MTO1: variants seen among roughly 807,000 people sequenced by gnomAD.
The protein encoded by MTO1 is 5-taurinomethyluridine-[tRNA] synthase subunit MTO1, mitochondrial.
Under a neutral mutation model 71.6 loss-of-function variants are expected in MTO1, and 46 were observed. The observed-to-expected ratio is 0.64, with a 90% CI of 0.51 to 0.82. The LOEUF is 0.82. MTO1 is among the 40% of genes least tolerant of loss of function. The probability of loss-of-function intolerance (pLI) is 0.00; values close to 1 mark genes in which losing one functional copy is unlikely to be tolerated. For synonymous variants in MTO1, 297 were observed against 312.1 expected, an observed-to-expected ratio of 0.95 and a Z score of 0.51; for missense variants, 773 against 867.5, an observed-to-expected ratio of 0.89 and a Z score of 1.37.
rs1018616129 is a variant in MTO1 at position 73,493,292 on chromosome 6, G to A, written c.1756+940G>A. Among the ~76,000 whole-genome samples, 25 of 146,018 alleles carry A rather than the reference G, an allele frequency of 1.7e-4. No homozygotes were observed. In the Admixed American group the frequency reaches 1.8e-3, roughly 10 times the overall value. Reference sequence around the variant, plus strand: ...TTACAGGCGTGAGCCACTGCACCTGGCCAAAAATAAATATTTTTTATAGGA... The same window carrying A: ...TTACAGGCGTGAGCCACTGCACCTGACCAAAAATAAATATTTTTTATAGGA... On this transcript the variant is annotated intron_variant, in intron 10 of 11. Coordinates refer to ENST00000498286, the MANE Select transcript of MTO1 (RefSeq NM_012123.4).
In MTO1 at chr6:73,508,447, A is replaced by T. The variant is rs961711277; in HGVS notation, c.*7712A>T. The stretch of plus-strand genomic sequence containing the variant: ...TAAAAAAAAACACTGGCTAAATTTA[A>T]AAGGAAACACTTCTAGAATATACTG... On this transcript the variant is annotated 3_prime_UTR_variant, in exon 12 of 12. Coordinates refer to ENST00000498286, the MANE Select transcript of MTO1 (RefSeq NM_012123.4). The T allele has an allele frequency of 2.6e-5, 4 of 152,226 alleles. No homozygotes were observed. The highest frequency in any genetic ancestry group is 4.4e-5 in the Non-Finnish European group (3 of 68,040). 9.4% of individuals were successfully genotyped at this position (152,226 alleles called of 1,614,324 possible).
At chr6:73,476,961 T>C (rs1393444066) in intron 4 of MTO1, among the ~76,000 whole-genome samples, 1 of 151,956 alleles carries the variant, frequency 6.6e-6, no homozygotes. Flanking sequence ...CTAATTTTTG[T>C]AGTTTTAGTG....
chr6:73,492,276 A>G lies in MTO1; in HGVS notation c.1680A>G (p.Ser560=), dbSNP rs1215865193. The part of the protein sequence containing the change: ...VLKYEEVDMD[S]LAKAVPEPLK... ...AGTATGAGGAAGTTGACATGGATTC[A>G]TTAGCCAAGGCTGTTCCAGAGCCCT... The change falls in exon 10 of 12, where the codon TCA becomes TCG. Residue 560 remains serine (S), a synonymous_variant. Transcript: ENST00000498286. 3.1e-6 allele frequency: 5 copies of G among 1,613,902 alleles called. No homozygotes were observed. Among genetic ancestry groups the G allele is most frequent in the African/African-American group, 1.3e-5 (1 of 74,942 alleles).
chr6:73,482,918 A>C (rs964239031), intron 9 of MTO1, among the ~76,000 whole-genome samples: 1 of 146,810 alleles, frequency 6.8e-6, no homozygotes, highest in Non-Finnish European at 1.5e-5. Flanking sequence ...CAGCCCCCCG[A>C]GTAGCTGGGA....
chr6:73,479,221 A>G (rs1445715524), intron 4 of MTO1, among the ~76,000 whole-genome samples: 1 of 151,392 alleles, frequency 6.6e-6, no homozygotes, highest in Non-Finnish European at 1.5e-5. Context: ...ATGGCCAGGC[A>G]CGGTGGCTCA....
intron 3 of MTO1, among the ~76,000 whole-genome samples, chr6:73,472,826 AAT>A (rs1771190608): frequency 1.3e-5 from 2 of 152,264 alleles, no homozygotes; most frequent in South Asian, 4.1e-4. Context: ...GCATACTCTA[AAT>A]ATATACAGTT....
In MTO1 at chr6:73,482,604, A is replaced by G. The variant is rs776033247; in HGVS notation, c.1621A>G (p.Arg541Gly). The G allele has an allele frequency of 8.7e-6, 14 of 1,602,282 alleles. No homozygotes were observed. In the South Asian group the frequency reaches 1.3e-4, roughly 15 times the overall value. Residue 541 changes from arginine to glycine, a missense_variant, in exon 9 of 12, where the codon AGA becomes GGA. Coordinates refer to ENST00000498286, the MANE Select transcript of MTO1 (RefSeq NM_012123.4). ...LIPEASISTS[R>G]SLPVRALDVL... The stretch of plus-strand genomic sequence containing the variant: ...CCCAGAGGCTTCTATAAGTACTAGT[A>G]GAAGTCTGCCTGTCAGGTATGCATT...
At position 73,479,780 on chromosome 6, in the gene MTO1, G is replaced by C; in HGVS notation, c.874G>C (p.Asp292His). The C allele has an allele frequency of 1.9e-6, 3 of 1,613,894 alleles. No individual in the cohort carries two copies. Among genetic ancestry groups the C allele is most frequent in the Non-Finnish European group, 2.5e-6 (3 of 1,179,928 alleles). ...CYLTHTNPRV[D>H]EIVLKNLHLN... ...CTTGACTCACACCAACCCTAGAGTG[G>C]ATGAGATTGTCCTTAAGAACCTTCA... The change falls in exon 5 of 12, where the codon GAT (aspartate) becomes CAT (histidine). Residue 292 changes from aspartate to histidine, a missense_variant. Transcript: ENST00000498286.
intron 9 of MTO1, among the ~76,000 whole-genome samples, chr6:73,484,211 A>C (rs1240967878): frequency 6.6e-6 from 1 of 152,224 alleles, no homozygotes; most frequent in African/African-American, 2.4e-5. Context: ...ATTCATAGAA[A>C]TGACAGCCTT....
At chr6:73,494,086 T>A (rs1013455863) in intron 10 of MTO1, among the ~76,000 whole-genome samples, 5 of 151,640 alleles carry the variant, frequency 3.3e-5, no homozygotes, top group Non-Finnish European at 5.9e-5. Flanking sequence ...TACAAAAAAA[T>A]TAGCTGAGCA....
In MTO1 at chr6:73,470,620, C is replaced by G. The variant is rs143061590; in HGVS notation, c.536-2745C>G. ...CTTAGGGCCAACAACTTAAAGGCTACAAAAAGCATATAGAGTGAAAAGATA... is the reference window on the plus strand; with the variant it reads ...CTTAGGGCCAACAACTTAAAGGCTAGAAAAAGCATATAGAGTGAAAAGATA... On this transcript the variant is annotated intron_variant, in intron 3 of 11. Transcript: ENST00000498286. Among the ~76,000 whole-genome samples the G allele has an allele frequency of 2.5e-3, 374 of 152,106 alleles. 2 individuals are homozygous for G. The highest frequency in any genetic ancestry group is 8.6e-3 in the African/African-American group (356 of 41,494).
At position 73,485,854 on chromosome 6, in the gene MTO1, C is replaced by T. The variant is rs117497175; in HGVS notation, c.1637+3234C>T. Among the ~76,000 whole-genome samples the T allele has an allele frequency of 2.4e-3, 365 of 152,268 alleles. 4 individuals carry two copies. Among genetic ancestry groups the T allele is most frequent in the Non-Finnish European group, 4.2e-3 (284 of 68,022 alleles). On this transcript the variant is annotated intron_variant, in intron 9 of 11. Transcript: ENST00000498286. ...CATACATGCCAGACTATGTAGTAAG[C>T]GCTGACCAGTTGAACCTGACTCTGA...
chr6:73,478,770 G>A (rs967379899), intron 4 of MTO1, among the ~76,000 whole-genome samples: 1 of 151,914 alleles, frequency 6.6e-6, no homozygotes, highest in Non-Finnish European at 1.5e-5. Flanking sequence ...TCAAACTCCT[G>A]ACCTCAGGTG....
intron 7 of MTO1, chr6:73,481,059 C>T: frequency 2.3e-6 from 1 of 438,996 alleles, no homozygotes; most frequent in Non-Finnish European, 4.2e-6. Flanking sequence ...TTCAAGCGAT[C>T]CTCCTGCCTC....
intron 10 of MTO1, 62 bp from the exon 11 acceptor site, chr6:73,497,674 A>G (rs565095792): frequency 2.3e-5 from 34 of 1,492,730 alleles, no homozygotes; most frequent in Non-Finnish European, 3.1e-5. Flanking sequence ...GGCTACATAA[A>G]TGTAAGTTGT....
intron 3 of MTO1, among the ~76,000 whole-genome samples, chr6:73,470,561 A>G (rs1287130902): frequency 2.0e-5 from 3 of 152,072 alleles, no homozygotes; most frequent in Non-Finnish European, 4.4e-5. Context: ...TTTTTATTAT[A>G]GATTTATTAA....
chr6:73,461,795 G>T lies in MTO1; in HGVS notation c.-60G>T, dbSNP rs576264480. On this transcript the variant is annotated 5_prime_UTR_variant, in exon 1 of 12. Coordinates refer to ENST00000498286, the MANE Select transcript of MTO1 (RefSeq NM_012123.4). ...CGCCCTGCAGATTGTCTCTTGTTGC[G>T]TAAGTTTTTTTGACCGTCACTCGTG... The T allele has an allele frequency of 4.5e-6, 7 of 1,554,510 alleles. No individual in the cohort carries two copies. Among genetic ancestry groups the T allele is most frequent in the South Asian group, 2.3e-5 (2 of 87,210 alleles).
chr6:73,501,465 C>G lies in MTO1; in HGVS notation c.*730C>G, dbSNP rs1772156990. 6.6e-6 allele frequency: 1 copy of G among 152,118 alleles called. No individual in the cohort carries two copies. Among genetic ancestry groups the G allele is most frequent in the Non-Finnish European group, 1.5e-5 (1 of 68,024 alleles). The allele number at this position is 152,118 out of a possible 1,614,324, so 9.4% of individuals were successfully genotyped here. A position where few individuals can be genotyped will look rare whatever the true frequency, so the allele number is the denominator to read the frequency against. On this transcript the variant is annotated 3_prime_UTR_variant, in exon 12 of 12. Coordinates refer to ENST00000498286, the MANE Select transcript of MTO1 (RefSeq NM_012123.4). Reference sequence around the variant, plus strand: ...TAAAAATATTTTCTTAAGAAATTGTCATGGCCATCATTTCTTAATAATGAA... The same window carrying G: ...TAAAAATATTTTCTTAAGAAATTGTGATGGCCATCATTTCTTAATAATGAA...
chr6:73,503,561 C>T lies in MTO1; in HGVS notation c.*2826C>T, dbSNP rs957786246. On this transcript the variant is annotated 3_prime_UTR_variant, in exon 12 of 12. Transcript: ENST00000498286. Reference sequence around the variant, plus strand: ...GGAAGAAATCAGCTAAAAATGTAACCTTACTCAATGTAGTTACTTCATAGA... The same window carrying T: ...GGAAGAAATCAGCTAAAAATGTAACTTTACTCAATGTAGTTACTTCATAGA... 1.3e-5 allele frequency: 2 copies of T among 152,180 alleles called. No individual in the cohort carries two copies. The highest frequency in any genetic ancestry group is 4.8e-5 in the African/African-American group (2 of 41,434). The allele number at this position is 152,180 out of a possible 1,614,324, so 9.4% of individuals were successfully genotyped here.
Sources: allele counts gnomAD v4.1 joint callset (sites outside exome capture counted in the v4.1 genomes callset), GRCh38; gene constraint gnomAD v4.1.1; transcripts MANE v1.5; gene names NCBI Gene and HGNC (gene_info 2026-07-23, HGNC 2026-07-21).